ZNF695: variants seen among roughly 807,000 people sequenced by gnomAD.
The protein encoded by ZNF695 is zinc finger protein 695, also known as zinc finger protein SBZF3.
In ZNF695, 11 loss-of-function variants were observed where a neutral mutation model predicts 11.2. That is an observed-to-expected ratio of 0.98 (90% CI 0.62 to 1.62). The LOEUF (loss-of-function observed/expected upper bound fraction) is 1.62, where lower values mean the gene tolerates loss of function less well. ZNF695 is among the 40% of genes most tolerant of loss of function. The probability of loss-of-function intolerance (pLI) is 0.00; values close to 1 mark genes in which losing one functional copy is unlikely to be tolerated. For missense variants in ZNF695, 559 were observed against 590.5 expected, an observed-to-expected ratio of 0.95 and a Z score of 0.55; for synonymous variants, 190 against 201.4, an observed-to-expected ratio of 0.94 and a Z score of 0.48.
intron 5 of ZNF695, among the ~76,000 whole-genome samples, chr1:246,958,106 T>C (rs1189058310): frequency 6.6e-6 from 1 of 151,706 alleles, no homozygotes; most frequent in Non-Finnish European, 1.5e-5. Context: ...TCGCCCAGGC[T>C]GGAGTGCAGT....
At chr1:246,968,166 A>G (rs1668335556) in intron 4 of ZNF695, 1 of 152,350 alleles carries the variant, frequency 6.6e-6, no homozygotes, top group African/African-American at 2.4e-5. Context: ...GTAAAATCAA[A>G]AGCAAGTTAG....
chr1:246,945,822 T>C, exon 6 of ZNF695: 1 of 1,550,150 alleles, frequency 6.5e-7, no homozygotes, highest in Non-Finnish European at 8.7e-7. Flanking sequence ...GGTCGACGAC[T>C]GGACCCTGAA....
chr1:246,987,131 T>C lies in ZNF695; in HGVS notation c.1384A>G (p.Lys462Glu), dbSNP rs772302318. Residue 462 changes from lysine (K) to glutamate (E), a missense_variant, in exon 4 of 4, where the codon AAA becomes GAA. Physicochemically the swap from Lys to Glu is moderately conservative, Grantham distance 56. Transcript: ENST00000339986. Reference sequence around the variant, plus strand: ...CCACATTCTTCACATTTGTAGGGTTTCTCTCCAGTATGAATTCTCTTATGA... The same window carrying C: ...CCACATTCTTCACATTTGTAGGGTTCCTCTCCAGTATGAATTCTCTTATGA... ...TNHKRIHTGE[K>E]PYKCEECGKA... 2 of 1,614,130 alleles carry C rather than the reference T, an allele frequency of 1.2e-6. No homozygotes were observed. The highest frequency in any genetic ancestry group is 1.1e-5 in the South Asian group (1 of 91,080).
intron 3 of ZNF695, among the ~76,000 whole-genome samples, chr1:246,988,525 G>T (rs770916491): frequency 6.6e-6 from 1 of 152,092 alleles, no homozygotes; most frequent in Non-Finnish European, 1.5e-5. Context: ...AAACTTACAG[G>T]CCAGGAGAGA....
chr1:247,006,605 G>GTT (rs1450922499), intron 1 of ZNF695, among the ~76,000 whole-genome samples: 1 of 152,218 alleles, frequency 6.6e-6, no homozygotes, highest in Non-Finnish European at 1.5e-5. Flanking sequence ...GGGCAACAGA[G>GTT]TGAGACTTCG....
chr1:246,987,790 C>T lies in ZNF695; in HGVS notation c.725G>A (p.Cys242Tyr). Reference protein sequence around the residue: ...RIHVGEKHCKCEECNNIFKSC... With the variant: ...RIHVGEKHCKYEECNNIFKSC... ...CTTAAAAATGTTATTACATTCTTCA[C>T]ATTTGCAATGTTTCTCTCCAACATG... The change falls in exon 4 of 4, where the codon TGT becomes TAT. Residue 242 changes from cysteine (C) to tyrosine (Y), a missense_variant. Physicochemically the swap from Cys to Tyr is radical, Grantham distance 194 (BLOSUM62 -2). Transcript: ENST00000339986. The T allele has an allele frequency of 6.2e-7, 1 of 1,607,580 alleles. No homozygotes were observed. The highest frequency in any genetic ancestry group is 1.1e-5 in the South Asian group (1 of 89,542).
intron 4 of ZNF695, among the ~76,000 whole-genome samples, chr1:246,975,221 T>C (rs1668526591): frequency 6.6e-6 from 1 of 152,212 alleles, no homozygotes; most frequent in Non-Finnish European, 1.5e-5. Flanking sequence ...AGTGTAGGCA[T>C]TCCATGAATA....
chr1:246,960,053 AT>A (rs1668124940), intron 5 of ZNF695, among the ~76,000 whole-genome samples: 1 of 152,236 alleles, frequency 6.6e-6, no homozygotes, highest in Non-Finnish European at 1.5e-5. Flanking sequence ...TTCACAATGT[AT>A]TATTTGAAAC....
intron 1 of ZNF695, among the ~76,000 whole-genome samples, chr1:247,004,815 A>AAGTAATCC (rs1272175441): frequency 2.0e-4 from 30 of 152,244 alleles, no homozygotes; most frequent in Admixed American, 2.0e-3. Flanking sequence ...GAAATGAAGA[A>AAGTAATCC]AGTAATCCCA....
chr1:246,964,874 C>CA (rs55956626), intron 5 of ZNF695, among the ~76,000 whole-genome samples: 17,919 of 150,852 alleles, frequency 0.12, 1,284 homozygotes, highest in Middle Eastern at 0.17. Flanking sequence ...GACTCTGTCT[C>CA]AAAAAAAAAT....
chr1:246,976,772 C>T lies in ZNF695; in HGVS notation c.391-8980G>A, dbSNP rs557895404. 1.0e-3 allele frequency among the ~76,000 whole-genome samples: 154 copies of T among 151,870 alleles called. 2 individuals are homozygous for T. Among genetic ancestry groups the T allele is most frequent in the African/African-American group, 2.6e-3 (107 of 41,398 alleles). ...TCGCGCCACTGCACTCCAGCCTGGG[C>T]GACAGAGCGAAACTCCGTCTCAAAT... is the stretch of plus-strand genomic sequence containing the variant. On this transcript the variant is annotated intron_variant, in intron 4 of 5. Transcript: ENST00000487338.
In ZNF695 at chr1:246,969,810, G is replaced by A. The variant is rs1668380629; in HGVS notation, c.391-2018C>T. The A allele has an allele frequency of 2.0e-5, 3 of 152,212 alleles. No homozygotes were observed. In the South Asian group the frequency reaches 6.2e-4, roughly 32 times the overall value. 9.4% of individuals were successfully genotyped at this position (152,212 alleles called of 1,614,324 possible). ...AAGTAAGCACATCTTCACATAGCTG[G>A]TGGAAGAGAGAGAGCATAGGGGGAA... On this transcript the variant is annotated intron_variant, in intron 4 of 5. Coordinates refer to the ZNF695 transcript ENST00000487338.
chr1:246,968,604 C>A (rs4971281), intron 4 of ZNF695: 17,980 of 152,322 alleles, frequency 0.12, 1,292 homozygotes, highest in Middle Eastern at 0.17. Flanking sequence ...CCATATTTCC[C>A]CTCCACAGTA....
At chr1:246,972,402 T>C (rs114677548) in intron 4 of ZNF695, among the ~76,000 whole-genome samples, 114 of 152,336 alleles carry the variant, frequency 7.5e-4, no homozygotes, top group African/African-American at 2.6e-3. Context: ...TTTAAGTTTC[T>C]GCGTTGTTAT....
rs1667943233 is a variant in ZNF695, at chr1:246,954,518, A to T, written c.489-8691T>A. Among the ~76,000 whole-genome samples, 6 of 152,200 alleles carry T rather than the reference A, an allele frequency of 3.9e-5. No homozygotes were observed. In the South Asian group the frequency reaches 1.2e-3, roughly 32 times the overall value. On this transcript the variant is annotated intron_variant, in intron 5 of 5. Coordinates refer to the ZNF695 transcript ENST00000487338. ...TATTTCAGCTCTCACAAGAAAACCC[A>T]TGTAACTGGAAGATGAAGAACAAAA...
At chr1:246,996,036 G>GT (rs1465060566) in intron 3 of ZNF695, 1 of 453,728 alleles carries the variant, frequency 2.2e-6, no homozygotes, top group Non-Finnish European at 4.4e-6. Flanking sequence ...CAAATGAATG[G>GT]TTAAATATAA....
At chr1:246,989,633 T>C (rs974812553) in intron 3 of ZNF695, among the ~76,000 whole-genome samples, 3 of 152,150 alleles carry the variant, frequency 2.0e-5, no homozygotes, top group South Asian at 2.1e-4. Context: ...AATAACAACA[T>C]TGAATGTAAA....
chr1:246,972,559 T>C (rs1353462323), intron 4 of ZNF695, among the ~76,000 whole-genome samples: 2 of 152,204 alleles, frequency 1.3e-5, no homozygotes, highest in Non-Finnish European at 2.9e-5. Context: ...TCTCATTCTG[T>C]CGCCCAGGCT....
intron 1 of ZNF695, among the ~76,000 whole-genome samples, chr1:247,001,372 A>G (rs1437400669): frequency 6.6e-6 from 1 of 151,916 alleles, no homozygotes; most frequent in Non-Finnish European, 1.5e-5. Flanking sequence ...GACCAGCCTC[A>G]GCAACATAGC....
Sources: allele counts gnomAD v4.1 joint callset (sites outside exome capture counted in the v4.1 genomes callset), GRCh38; gene constraint gnomAD v4.1.1; transcripts MANE v1.5; gene names NCBI Gene and HGNC (gene_info 2026-07-23, HGNC 2026-07-21).